Variants in PCNT observed in about 807,000 individuals in gnomAD.
PCNT encodes pericentrin, also known as kendrin.
In PCNT, 319 loss-of-function variants were observed where a neutral mutation model predicts 380.4. The observed-to-expected ratio is 0.84, with a 90% confidence interval of 0.77 to 0.92. The LOEUF is 0.92. Ranked by LOEUF, PCNT falls within the 40% of genes least tolerant of loss-of-function variation. PCNT has a pLI of 0.00. For missense variants in PCNT, 4,400 were observed against 4,255.3 expected (o/e 1.03, Z -0.95); for synonymous variants, 1,845 against 1,735.2 (o/e 1.06, Z -1.57).
chr21:46,406,644 G>C (rs2086630381), intron 27 of PCNT, among the ~76,000 whole-genome samples: 1 of 152,102 alleles, frequency 6.6e-6, no homozygotes, highest in Admixed American at 6.5e-5. Context: ...GTTAAAACTG[G>C]CTAGGGCAGT....
At chr21:46,334,038 C>T (rs984070492) in intron 2 of PCNT, among the ~76,000 whole-genome samples, 1 of 151,926 alleles carries the variant, frequency 6.6e-6, no homozygotes, top group Admixed American at 6.6e-5. Context: ...AACCCTGTCT[C>T]TACTAAAAAT....
intron 26 of PCNT, 33 bp from the exon 27 acceptor site, chr21:46,402,296 CTT>C (rs765557951): frequency 1.1e-5 from 15 of 1,426,858 alleles, no homozygotes; most frequent in Non-Finnish European, 1.3e-5. Context: ...TATTAGATGA[CTT>C]TTAATACTTT....
intron 13 of PCNT, among the ~76,000 whole-genome samples, chr21:46,362,198 C>T (rs1027372643): frequency 1.3e-5 from 2 of 152,130 alleles, no homozygotes; most frequent in Non-Finnish European, 2.9e-5. Flanking sequence ...ATGTACAGAT[C>T]GGGGTCAGCC....
chr21:46,347,419 G>A, intron 5 of PCNT, 38 bp from the exon 6 acceptor site: 2 of 1,611,422 alleles, frequency 1.2e-6, no homozygotes, highest in Non-Finnish European at 1.7e-6. Flanking sequence ...AAAAGGTTGA[G>A]ATGGAGTGGC....
chr21:46,399,841 C>T (rs1357613756), intron 25 of PCNT, 45 bp downstream of exon 25: 4 of 1,510,292 alleles, frequency 2.6e-6, no homozygotes, highest in Admixed American at 3.3e-5. Flanking sequence ...TGAGGTGTCC[C>T]GCAGGCATGG....
chr21:46,370,230 G>A (rs925102343), intron 15 of PCNT, among the ~76,000 whole-genome samples: 1 of 151,988 alleles, frequency 6.6e-6, no homozygotes, highest in Non-Finnish European at 1.5e-5. Flanking sequence ...CATCCGGGGG[G>A]GGGTGTCTTT....
In PCNT at chr21:46,431,722, G is replaced by A. The variant is rs743346; in HGVS notation, c.8258G>A (p.Arg2753His). The change falls in exon 38 of 47, where the codon CGC becomes CAC. Residue 2753 changes from arginine to histidine, a missense_variant. By Grantham distance (29) the Arg-to-His change is conservative (BLOSUM62 0). Transcript: ENST00000359568. ...LQKDLAAEKS[R>H]TLELSEALRH... is the part of the protein sequence containing the mutation. ...AAGGACCTTGCGGCTGAGAAGAGCC[G>A]CACCCTGGAGCTGTCAGAGGCCTTG... 88,025 of 1,611,716 alleles carry A rather than the reference G, an allele frequency of 0.055. 2,754 individuals carry two copies. The highest frequency in any genetic ancestry group is 0.061 in the Non-Finnish European group (72,472 of 1,179,612).
intron 15 of PCNT, among the ~76,000 whole-genome samples, chr21:46,372,532 C>T (rs183873219): frequency 6.6e-6 from 1 of 152,298 alleles, no homozygotes; most frequent in African/African-American, 2.4e-5. Context: ...GGGTTAGAGT[C>T]TGGAGCACTT....
chr21:46,399,817 G>A, intron 25 of PCNT, 21 bp downstream of exon 25: 1 of 1,605,924 alleles, frequency 6.2e-7, no homozygotes, highest in Non-Finnish European at 8.5e-7. Flanking sequence ...TCCATGTTGT[G>A]GTTGGGCACG....
Position 46,430,674 on chromosome 21 carries a change from G to T in PCNT, c.8064+17G>T, listed in dbSNP as rs1292168001. The T allele has an allele frequency of 1.3e-6, 2 of 1,564,268 alleles. No homozygotes were observed. Among genetic ancestry groups the T allele is most frequent in the South Asian group, 1.2e-5 (1 of 85,032 alleles). ...GCCCTGGAGGTAACAGGGTGTCAGG[G>T]CAAGGCAGCCGGCATGGGCTGTGTG... On this transcript the variant is annotated intron_variant, in intron 37 of 46. Transcript: ENST00000359568.
At position 46,389,058 on chromosome 21, in the gene PCNT, T is replaced by G. The variant is rs2085941442; in HGVS notation, c.3608-141T>G. 2.4e-6 allele frequency: 3 copies of G among 1,275,830 alleles called. No individual in the cohort carries two copies. The Admixed American group carries it at 6.0e-5, about 25-fold the overall frequency. The allele number at this position is 1,275,830 out of a possible 1,614,324, so 79.0% of individuals were successfully genotyped here. On this transcript the variant is annotated intron_variant, in intron 18 of 46. Transcript: ENST00000359568. ...GAGACCGGGGTTTGGGCTAAATTTGTCAGCTCCCGTGGACGTGGCGCTGAC... is the reference window on the plus strand; with the variant it reads ...GAGACCGGGGTTTGGGCTAAATTTGGCAGCTCCCGTGGACGTGGCGCTGAC...
In PCNT at chr21:46,353,088, C is replaced by G; in HGVS notation, c.1457-16C>G. On this transcript the variant is annotated splice_polypyrimidine_tract_variant and intron_variant, in intron 9 of 46. Coordinates refer to ENST00000359568, the MANE Select transcript of PCNT (RefSeq NM_006031.6). ...GTCCCATTTTAAGACGATTGCCTGA[C>G]TCCGTTATGTTGCAGAGCTACATGA... The G allele has an allele frequency of 2.5e-6, 4 of 1,607,122 alleles. No homozygotes were observed. The highest frequency in any genetic ancestry group is 3.4e-6 in the Non-Finnish European group (4 of 1,173,956).
At chr21:46,386,159 C>T (rs893385323) in intron 17 of PCNT, among the ~76,000 whole-genome samples, 176 bp downstream of exon 17, 2 of 152,190 alleles carry the variant, frequency 1.3e-5, no homozygotes, top group African/African-American at 2.4e-5. Flanking sequence ...TTGTAAGCAC[C>T]GGGAAGAAAT....
chr21:46,324,862 G>A (rs1157109028), intron 1 of PCNT: 7 of 985,334 alleles, frequency 7.1e-6, no homozygotes, highest in Admixed American at 6.1e-5. Flanking sequence ...GTCCGTCGGA[G>A]ATGCTTTCCC....
At chr21:46,329,195 G>A (rs1045858971) in intron 2 of PCNT, among the ~76,000 whole-genome samples, 5 of 152,218 alleles carry the variant, frequency 3.3e-5, no homozygotes, top group Admixed American at 6.5e-5. Flanking sequence ...CTGATGGGTC[G>A]TTAACATTAG....
In PCNT at chr21:46,385,881, C is replaced by A. The variant is rs1412739126; in HGVS notation, c.3362C>A (p.Ser1121Tyr). ...AGTCACGAGATAGAAGAGTGCCGCTCCGAGTTGGAGGTGCTGCAGCAGAGG... is the reference window on the plus strand; with the variant it reads ...AGTCACGAGATAGAAGAGTGCCGCTACGAGTTGGAGGTGCTGCAGCAGAGG... ...SLSHEIEECRSELEVLQQRRE... is the reference protein window; with the variant it reads ...SLSHEIEECRYELEVLQQRRE... Residue 1121 changes from serine to tyrosine, a missense_variant, in exon 17 of 47, where the codon TCC (serine) becomes TAC (tyrosine). By Grantham distance (144) the Ser-to-Tyr change is moderately radical. Transcript: ENST00000359568. 2.5e-6 allele frequency: 4 copies of A among 1,614,120 alleles called. No homozygotes were observed. The highest frequency in any genetic ancestry group is 1.7e-6 in the Non-Finnish European group (2 of 1,180,044).
chr21:46,406,824 T>C (rs2086635144), intron 27 of PCNT, among the ~76,000 whole-genome samples: 1 of 152,288 alleles, frequency 6.6e-6, no homozygotes, highest in African/African-American at 2.4e-5. Context: ...TTTTCTCTTT[T>C]ATTCTACTAA....
At position 46,353,115 on chromosome 21, in the gene PCNT, C is replaced by T. The variant is rs181690344; in HGVS notation, c.1468C>T (p.Gln490Ter). ...CCGTTATGTTGCAGAGCTACATGAG[C>T]AACTCCTGGCGCGCACCTCTCGTGT... ...SRQELSELHE[Q>*]LLARTSRVED... The change falls in exon 10 of 47, where the codon CAA becomes TAA. Residue 490 changes from glutamine to a stop codon, truncating the protein, a stop_gained. Transcript: ENST00000359568. LOFTEE classifies it high-confidence loss of function. 23 of 1,613,732 alleles carry T rather than the reference C, an allele frequency of 1.4e-5. No homozygotes were observed. The Admixed American group carries it at 2.5e-4, about 18-fold the overall frequency.
chr21:46,350,199 A>C (rs1310552555), intron 8 of PCNT, among the ~76,000 whole-genome samples: 2 of 152,242 alleles, frequency 1.3e-5, no homozygotes, highest in Non-Finnish European at 2.9e-5. Context: ...ATAAAATAAA[A>C]TGAAATAAAA....
Sources: allele counts gnomAD v4.1 joint callset (sites outside exome capture counted in the v4.1 genomes callset), GRCh38; gene constraint gnomAD v4.1.1; transcripts MANE v1.5; gene names NCBI Gene and HGNC (gene_info 2026-07-23, HGNC 2026-07-21).